C16orf74: variants seen among roughly 807,000 people sequenced by gnomAD.
C16orf74 encodes calcimembrin.
C16orf74 carries 10 observed loss-of-function variants against 6.5 expected under a neutral mutation model. The observed-to-expected ratio is 1.54, with a 90% CI of 0.95 to 2.61. C16orf74 has a LOEUF of 2.61. C16orf74 is among the 30% of genes most tolerant of loss of function. C16orf74 has a pLI of 0.00. For missense variants in C16orf74, 141 were observed against 105.9 expected (o/e 1.33, Z -1.45); for synonymous variants, 60 against 42.5 (o/e 1.41, Z -1.60).
intron 2 of C16orf74, among the ~76,000 whole-genome samples, chr16:85,734,145 A>T (rs2054219612): frequency 6.6e-6 from 1 of 152,176 alleles, no homozygotes; most frequent in East Asian, 1.9e-4. Context: ...AAAAGCCCTA[A>T]GCCTGCCTAA....
chr16:85,731,394 C>A (rs997500038), intron 2 of C16orf74, among the ~76,000 whole-genome samples: 2 of 152,254 alleles, frequency 1.3e-5, no homozygotes, highest in African/African-American at 2.4e-5. Flanking sequence ...AGGGGCAGAG[C>A]TGGGATTTGA....
At chr16:85,710,984 C>CTA (rs1567801513) in intron 2 of C16orf74, 2 of 152,244 alleles carry the variant, frequency 1.3e-5, no homozygotes, top group African/African-American at 4.8e-5. Flanking sequence ...TTGAGCCTAG[C>CTA]GCATGCTCGA....
intron 2 of C16orf74, among the ~76,000 whole-genome samples, chr16:85,730,052 G>C (rs2152062644): frequency 6.6e-6 from 1 of 152,260 alleles, no homozygotes. Flanking sequence ...AGCCCAATAG[G>C]GAAGGGGCCT....
chr16:85,737,833 A>G (rs1295536154), intron 1 of C16orf74, among the ~76,000 whole-genome samples: 5 of 152,200 alleles, frequency 3.3e-5, no homozygotes, highest in African/African-American at 1.2e-4. Flanking sequence ...CTCCATCTCA[A>G]AAACAAAAAA....
chr16:85,718,631 G>T (rs147351348), intron 2 of C16orf74, among the ~76,000 whole-genome samples: 1 of 152,320 alleles, frequency 6.6e-6, no homozygotes, highest in Non-Finnish European at 1.5e-5. Context: ...GGCATGAGAG[G>T]TTAAGGACCA....
intron 2 of C16orf74, among the ~76,000 whole-genome samples, chr16:85,717,090 C>A (rs943604418): frequency 6.6e-6 from 1 of 152,214 alleles, no homozygotes; most frequent in African/African-American, 2.4e-5. Context: ...CAGGCCCTGA[C>A]CCCCGCTCTG....
intron 1 of C16orf74, among the ~76,000 whole-genome samples, chr16:85,742,951 CATT>C (rs2152066136): frequency 6.6e-6 from 1 of 152,342 alleles, no homozygotes; most frequent in South Asian, 2.1e-4. Flanking sequence ...TCACTGTCAT[CATT>C]GTTGCTGCCA....
chr16:85,732,733 C>A (rs990161955), intron 2 of C16orf74, among the ~76,000 whole-genome samples: 2 of 150,662 alleles, frequency 1.3e-5, no homozygotes, highest in African/African-American at 4.9e-5. Flanking sequence ...CACCCCCATG[C>A]TTGTGTGGGC....
rs375340983 is a variant in C16orf74, at chr16:85,741,967, G to T, written c.-18-6732C>A. Reference sequence around the variant, plus strand: ...TTTGATTCAGAACACTGGGCCTGATGGGAGGTGTCTGGGTCATGGGGCAAT... The same window carrying T: ...TTTGATTCAGAACACTGGGCCTGATTGGAGGTGTCTGGGTCATGGGGCAAT... On this transcript the variant is annotated intron_variant, in intron 1 of 3. Transcript: ENST00000284245. 2.0e-5 allele frequency among the ~76,000 whole-genome samples: 3 copies of T among 152,352 alleles called. No individual in the cohort carries two copies. The South Asian group carries it at 6.2e-4, about 32-fold the overall frequency.
At chr16:85,727,151 G>C (rs2054142258) in intron 2 of C16orf74, among the ~76,000 whole-genome samples, 1 of 152,216 alleles carries the variant, frequency 6.6e-6, no homozygotes, top group Non-Finnish European at 1.5e-5. Flanking sequence ...TTTGTGGAGG[G>C]AACAATCTCT....
chr16:85,724,981 T>A (rs1210624953), intron 2 of C16orf74, among the ~76,000 whole-genome samples: 2 of 150,582 alleles, frequency 1.3e-5, no homozygotes, highest in Non-Finnish European at 3.0e-5. Flanking sequence ...CGGCTGGAAA[T>A]GGCGCTTCGT....
chr16:85,739,399 G>A (rs1303499954), intron 1 of C16orf74, among the ~76,000 whole-genome samples: 4 of 152,202 alleles, frequency 2.6e-5, no homozygotes, highest in Non-Finnish European at 4.4e-5. Flanking sequence ...CCCAGGGTTT[G>A]AAAACCAGTG....
At chr16:85,740,265 C>T (rs1164767599) in intron 1 of C16orf74, among the ~76,000 whole-genome samples, 4 of 134,918 alleles carry the variant, frequency 3.0e-5, no homozygotes, top group Non-Finnish European at 6.4e-5. Context: ...AGAAAATATA[C>T]ACTGATGGCC....
At chr16:85,725,399 A>G (rs1294814698) in intron 2 of C16orf74, among the ~76,000 whole-genome samples, 1 of 152,202 alleles carries the variant, frequency 6.6e-6, no homozygotes, top group Non-Finnish European at 1.5e-5. Flanking sequence ...ATTGGCTGTC[A>G]GCCTGGACCA....
intron 2 of C16orf74, among the ~76,000 whole-genome samples, chr16:85,725,082 A>G (rs2054120201): frequency 6.6e-6 from 1 of 152,116 alleles, no homozygotes; most frequent in African/African-American, 2.4e-5. Flanking sequence ...GGGACCGGCT[A>G]AGTCCCTGCT....
At chr16:85,739,775 G>A (rs1451968367) in intron 1 of C16orf74, among the ~76,000 whole-genome samples, 1 of 151,972 alleles carries the variant, frequency 6.6e-6, no homozygotes, top group Non-Finnish European at 1.5e-5. Flanking sequence ...GCACTACCTG[G>A]GAGACAGAGC....
intron 2 of C16orf74, among the ~76,000 whole-genome samples, chr16:85,713,739 C>G (rs915173708): frequency 6.9e-6 from 1 of 144,858 alleles, no homozygotes; most frequent in African/African-American, 2.6e-5. Context: ...TTGGAAGACA[C>G]GGTTCAATCC....
At chr16:85,716,089 C>T (rs2054020730) in intron 2 of C16orf74, among the ~76,000 whole-genome samples, 1 of 152,160 alleles carries the variant, frequency 6.6e-6, no homozygotes, top group Non-Finnish European at 1.5e-5. Flanking sequence ...AGTCTCCAAA[C>T]CCCTTCCTCG....
intron 2 of C16orf74, among the ~76,000 whole-genome samples, chr16:85,732,791 G>A (rs1025022976): frequency 2.6e-5 from 4 of 152,218 alleles, no homozygotes; most frequent in Non-Finnish European, 4.4e-5. Flanking sequence ...GTGGGCAGGG[G>A]CCGGCAGCAC....
Sources: allele counts gnomAD v4.1 joint callset (sites outside exome capture counted in the v4.1 genomes callset), GRCh38; gene constraint gnomAD v4.1.1; transcripts MANE v1.5; gene names NCBI Gene and HGNC (gene_info 2026-07-23, HGNC 2026-07-21).